DSTYK: variants seen among roughly 807,000 people sequenced by gnomAD.
DSTYK encodes dual serine/threonine and tyrosine protein kinase.
In DSTYK, 34 loss-of-function variants were observed where a neutral mutation model predicts 98.7. The observed-to-expected ratio is 0.34, with a 90% CI of 0.26 to 0.46. The LOEUF is 0.46. DSTYK is among the 20% of genes least tolerant of loss of function. The pLI, the probability that DSTYK is intolerant of heterozygous loss-of-function variation, is 1.00. For synonymous variants in DSTYK, 462 were observed against 457.3 expected (o/e 1.01, Z -0.13); for missense variants, 962 against 1,181.7 (o/e 0.81, Z 2.73).
Position 205,187,642 on chromosome 1 carries a change from T to G in DSTYK, c.430A>C (p.Ser144Arg). ...VQVLPTTKLG[S>R]EESCKLRRLR... Reference sequence around the variant, plus strand: ...CGCCGAAGCTTACAGCTCTCCTCACTGCCCAGCTTGGTGGTGGGAAGCACC... The same window carrying G: ...CGCCGAAGCTTACAGCTCTCCTCACGGCCCAGCTTGGTGGTGGGAAGCACC... Residue 144 changes from serine (S) to arginine (R), a missense_variant, in exon 2 of 13, where the codon AGT (serine) becomes CGT (arginine). By Grantham distance (110) the Ser-to-Arg change is moderately radical. Coordinates refer to ENST00000367162, the MANE Select transcript of DSTYK (RefSeq NM_015375.3). 6.2e-7 allele frequency: 1 copy of G among 1,614,190 alleles called. No homozygotes were observed. Among genetic ancestry groups the G allele is most frequent in the South Asian group, 1.1e-5 (1 of 91,086 alleles).
rs774752814 is a variant in DSTYK at position 205,163,868 on chromosome 1, C to T, written c.1412G>A (p.Arg471Gln). 2.1e-5 allele frequency: 34 copies of T among 1,614,080 alleles called. No individual in the cohort carries two copies. Among genetic ancestry groups the T allele is most frequent in the Non-Finnish European group, 2.7e-5 (32 of 1,180,030 alleles). ...CTTATTAGCCACTGCCTGATTAAGT[C>T]GGGAGATGATGAGTTCCTGGATCTG... ...IRQIQELIISRLNQAVANKLI... is the reference protein window; with the variant it reads ...IRQIQELIISQLNQAVANKLI... Residue 471 changes from arginine (R) to glutamine (Q), a missense_variant, in exon 4 of 13, where the codon CGA (arginine) becomes CAA (glutamine). By Grantham distance (43) the Arg-to-Gln change is conservative. Transcript: ENST00000367162.
chr1:205,177,026 C>A (rs982680264), intron 2 of DSTYK, among the ~76,000 whole-genome samples: 1 of 151,486 alleles, frequency 6.6e-6, no homozygotes, highest in African/African-American at 2.4e-5. Context: ...GGCAATATGG[C>A]GAGACTCCAT....
chr1:205,174,281 G>A (rs1658159393), intron 2 of DSTYK, among the ~76,000 whole-genome samples: 2 of 151,876 alleles, frequency 1.3e-5, no homozygotes, highest in African/African-American at 2.4e-5. Context: ...TTGGGAGGCC[G>A]AGGCAGGTGG....
At chr1:205,190,151 A>ACTT (rs1658667726) in intron 1 of DSTYK, among the ~76,000 whole-genome samples, 1 of 152,172 alleles carries the variant, frequency 6.6e-6, no homozygotes. Context: ...AATGCCTGAC[A>ACTT]CTTACCAAGG....
At chr1:205,182,105 C>T (rs550428583) in intron 2 of DSTYK, among the ~76,000 whole-genome samples, 20 of 152,032 alleles carry the variant, frequency 1.3e-4, no homozygotes, top group Admixed American at 1.3e-3. Flanking sequence ...AACAAACAAA[C>T]AAAAACAATT....
intron 3 of DSTYK, among the ~76,000 whole-genome samples, chr1:205,164,602 C>T (rs1469070786): frequency 6.6e-6 from 1 of 151,988 alleles, no homozygotes; most frequent in Non-Finnish European, 1.5e-5. Flanking sequence ...GCTGCGACTA[C>T]AGGCACCCGC....
intron 2 of DSTYK, among the ~76,000 whole-genome samples, chr1:205,176,984 C>G (rs578093271): frequency 6.6e-6 from 1 of 152,048 alleles, no homozygotes; most frequent in South Asian, 2.1e-4. Context: ...GCTGGAAGAT[C>G]CCCTTGAGCC....
At chr1:205,158,118 A>C (rs1180621377) in intron 9 of DSTYK, among the ~76,000 whole-genome samples, 1 of 152,230 alleles carries the variant, frequency 6.6e-6, no homozygotes, top group African/African-American at 2.4e-5. Context: ...GGTCTCCTGA[A>C]TACTGGAAAA....
At chr1:205,210,955 T>A (rs979854353) in intron 1 of DSTYK, among the ~76,000 whole-genome samples, 1 of 152,116 alleles carries the variant, frequency 6.6e-6, no homozygotes, top group Non-Finnish European at 1.5e-5. Context: ...GATTAACTGC[T>A]ACCCTCTCCG....
chr1:205,193,338 T>G lies in DSTYK; in HGVS notation c.266-5532A>C, dbSNP rs78129424. The stretch of plus-strand genomic sequence containing the variant: ...TATTTAAATTGTTTTTGGGGTAATG[T>G]CAATCGATTTGTAGCAACACATTCT... On this transcript the variant is annotated intron_variant, in intron 1 of 12. Transcript: ENST00000367162. Among the ~76,000 whole-genome samples, 1,302 of 152,268 alleles carry G rather than the reference T, an allele frequency of 8.6e-3. 21 individuals carry two copies. Among genetic ancestry groups the G allele is most frequent in the African/African-American group, 0.03 (1,246 of 41,530 alleles).
chr1:205,209,478 C>CA (rs113827848), intron 1 of DSTYK, among the ~76,000 whole-genome samples: 22,703 of 87,064 alleles, frequency 0.26, 4,518 homozygotes, highest in Non-Finnish European at 0.42. Context: ...ATGTCAAAGA[C>CA]TAGTTTCAGA....
intron 1 of DSTYK, among the ~76,000 whole-genome samples, chr1:205,203,778 T>C (rs1325797900): frequency 3.3e-5 from 5 of 150,710 alleles, no homozygotes; most frequent in African/African-American, 1.2e-4. Flanking sequence ...TATCTGGGCA[T>C]GGTGGTGTGT....
chr1:205,190,628 A>C (rs1574789324), intron 1 of DSTYK, among the ~76,000 whole-genome samples: 2 of 151,176 alleles, frequency 1.3e-5, no homozygotes, highest in African/African-American at 4.8e-5. Flanking sequence ...AAAAAAAAAA[A>C]AAAAAAAAAC....
intron 1 of DSTYK, among the ~76,000 whole-genome samples, chr1:205,207,837 T>A (rs775658423): frequency 8.4e-4 from 125 of 148,358 alleles, no homozygotes; most frequent in Non-Finnish European, 1.5e-3. Flanking sequence ...TACTCCACCC[T>A]GCCTTTCCTC....
chr1:205,207,471 C>T (rs895357172), intron 1 of DSTYK, among the ~76,000 whole-genome samples: 2 of 151,448 alleles, frequency 1.3e-5, no homozygotes, highest in African/African-American at 4.8e-5. Flanking sequence ...CTTTCCCATG[C>T]CGGGCACAGT....
intron 1 of DSTYK, among the ~76,000 whole-genome samples, chr1:205,189,780 C>T (rs999246595): frequency 1.3e-5 from 2 of 152,104 alleles, no homozygotes; most frequent in Admixed American, 6.6e-5. Flanking sequence ...CAGCCTGGCC[C>T]GCACATATAC....
chr1:205,155,196 C>T (rs1057097936), intron 10 of DSTYK, among the ~76,000 whole-genome samples: 3 of 151,188 alleles, frequency 2.0e-5, no homozygotes, highest in African/African-American at 7.3e-5. Context: ...GTTGGCCAGG[C>T]TGGCCTCGAA....
chr1:205,163,633 G>A, intron 4 of DSTYK, 90 bp downstream of exon 4: 1 of 1,070,974 alleles, frequency 9.3e-7, no homozygotes. Flanking sequence ...AGCTGAAAGG[G>A]AAATTCTTGC....
At chr1:205,176,476 T>TAAAAAA (rs61291677) in intron 2 of DSTYK, among the ~76,000 whole-genome samples, 109 of 43,200 alleles carry the variant, frequency 2.5e-3, no homozygotes, top group Non-Finnish European at 3.0e-3. Flanking sequence ...AACTCCCTCT[T>TAAAAAA]AAAAAAAAAA....
Sources: gnomAD v4.1 joint callset for allele counts (sites outside exome capture counted in the v4.1 genomes callset) on GRCh38, gnomAD v4.1.1 for gene constraint, MANE v1.5 for transcripts, NCBI Gene and HGNC (gene_info 2026-07-23, HGNC 2026-07-21) for gene names.